AFG2B: variants seen among roughly 807,000 people sequenced by gnomAD.
AFG2B encodes AAA ATPase AFG2B, also known as ATPase family gene 2 protein homolog B.
chr15:45,417,298 A>G, the AFG2B span: 2 of 1,614,062 alleles, frequency 1.2e-6, no homozygotes, highest in East Asian at 4.5e-5. Flanking sequence ...CCGAAGTGTC[A>G]TGATTATTGC....
the AFG2B span, among the ~76,000 whole-genome samples, chr15:45,405,147 C>G: frequency 1.3e-5 from 2 of 152,212 alleles, no homozygotes; most frequent in Non-Finnish European, 2.9e-5. Flanking sequence ...TTCTACCTAA[C>G]TGTATGTTTG....
the AFG2B span, chr15:45,405,523 A>G: frequency 6.2e-7 from 1 of 1,606,952 alleles, no homozygotes; most frequent in Non-Finnish European, 8.5e-7. Context: ...GTGTTAATTT[A>G]TGAACATCTA....
the AFG2B span, among the ~76,000 whole-genome samples, chr15:45,406,860 T>A: frequency 6.6e-6 from 1 of 152,290 alleles, no homozygotes; most frequent in Non-Finnish European, 1.5e-5. Flanking sequence ...AGTTATGTGA[T>A]CTTCTAGTTG....
At chr15:45,405,306 TG>T in the AFG2B span, 1 of 1,604,574 alleles carries the variant, frequency 6.2e-7, no homozygotes, top group Admixed American at 1.7e-5. Context: ...TTTTTTGTTT[TG>T]CTTTGCATAT....
chr15:45,412,022 C>G, the AFG2B span, among the ~76,000 whole-genome samples: 1 of 146,120 alleles, frequency 6.8e-6, no homozygotes, highest in East Asian at 2.1e-4. Context: ...CGCTTGAACC[C>G]GGGAGGTGGA....
chr15:45,415,538 TGA>T, the AFG2B span: 1 of 1,423,232 alleles, frequency 7.0e-7, no homozygotes, highest in African/African-American at 1.4e-5. Flanking sequence ...TAATATCACA[TGA>T]CTAATGTATA....
At chr15:45,411,542 T>G in the AFG2B span, among the ~76,000 whole-genome samples, 1 of 152,198 alleles carries the variant, frequency 6.6e-6, no homozygotes, top group East Asian at 1.9e-4. Flanking sequence ...GGCCTTGAAC[T>G]CCTGGGCTTA....
chr15:45,409,392 G>T, the AFG2B span, among the ~76,000 whole-genome samples: 2 of 144,626 alleles, frequency 1.4e-5, no homozygotes, highest in African/African-American at 2.7e-5. Context: ...AAAAAAAAAA[G>T]AGTTTGATAA....
At chr15:45,418,307 G>A in the AFG2B span, among the ~76,000 whole-genome samples, 1 of 141,144 alleles carries the variant, frequency 7.1e-6, no homozygotes, top group Non-Finnish European at 1.5e-5. Flanking sequence ...TCGTGCCAGT[G>A]TACTCCAGCC....
At chr15:45,402,743 C>T in the AFG2B span, 4 of 1,569,190 alleles carry the variant, frequency 2.5e-6, no homozygotes, top group Non-Finnish European at 2.6e-6. Flanking sequence ...GTGCCCTGTC[C>T]GCCCCTGCGG....
the AFG2B span, chr15:45,415,556 T>C: frequency 9.5e-6 from 15 of 1,575,132 alleles, no homozygotes; most frequent in African/African-American, 1.4e-4. Flanking sequence ...GTATAACATA[T>C]AGCTTTTTAA....
the AFG2B span, chr15:45,416,008 A>C: frequency 2.8e-6 from 1 of 356,170 alleles, no homozygotes. Context: ...AAATTATCTT[A>C]AATATAAGAA....
At chr15:45,402,815 C>G in the AFG2B span, 1 of 1,596,636 alleles carries the variant, frequency 6.3e-7, no homozygotes, top group Non-Finnish European at 8.5e-7. Context: ...CGGAATACAG[C>G]CGCGGTGCTG....
At chr15:45,414,781 G>A in the AFG2B span, 6 of 1,612,616 alleles carry the variant, frequency 3.7e-6, no homozygotes, top group Non-Finnish European at 5.1e-6. Flanking sequence ...GTTGTCTCAG[G>A]TTTGTTTATT....
chr15:45,413,492 T>C, the AFG2B span, among the ~76,000 whole-genome samples: 1 of 152,206 alleles, frequency 6.6e-6, no homozygotes, highest in South Asian at 2.1e-4. Context: ...ATCTGTCTTC[T>C]AAAGGCATAG....
the AFG2B span, chr15:45,417,322 C>G: frequency 6.2e-7 from 1 of 1,613,944 alleles, no homozygotes. Context: ...AACAAATAGA[C>G]CTGATGTGTT....
At chr15:45,410,305 T>C in the AFG2B span, 2 of 1,538,670 alleles carry the variant, frequency 1.3e-6, no homozygotes, top group East Asian at 2.3e-5. Context: ...TAAAAACAAA[T>C]TGTGCTATAA....
the AFG2B span, chr15:45,407,333 A>G: frequency 2.6e-6 from 2 of 762,352 alleles, no homozygotes; most frequent in Non-Finnish European, 1.7e-6. Context: ...ACTTTTTGTG[A>G]AGTATTCCTA....
At chr15:45,411,015 A>G in the AFG2B span, among the ~76,000 whole-genome samples, 2 of 152,180 alleles carry the variant, frequency 1.3e-5, no homozygotes, top group Non-Finnish European at 2.9e-5. Context: ...CAGCCTGGCC[A>G]ACATGGTGAA....
Sources: allele counts gnomAD v4.1 joint callset (sites outside exome capture counted in the v4.1 genomes callset), GRCh38; gene constraint gnomAD v4.1.1; transcripts MANE v1.5; gene names NCBI Gene and HGNC (gene_info 2026-07-23, HGNC 2026-07-21).